The following SREBF2 variants were observed in gnomAD, a reference collection of about 807,000 sequenced individuals.
SREBF2 encodes the protein sterol regulatory element binding transcription factor 2, also known as sterol regulatory element-binding protein 2.
In SREBF2, 55 loss-of-function variants were observed where a neutral mutation model predicts 113.1. That is an observed-to-expected ratio of 0.49 (90% confidence interval 0.39 to 0.61). The LOEUF is 0.61. Among genes scored for constraint, SREBF2 ranks in the 20% least tolerant of loss-of-function variants. The pLI, the probability that SREBF2 is intolerant of heterozygous loss-of-function variation, is 0.00. For missense variants in SREBF2, 1,349 were observed against 1,487.4 expected (o/e 0.91, Z 1.53); for synonymous variants, 593 against 605.7 (o/e 0.98, Z 0.31).
intron 1 of SREBF2, among the ~76,000 whole-genome samples, chr22:41,853,802 G>A (rs910813412): frequency 3.9e-5 from 6 of 151,972 alleles, no homozygotes; most frequent in African/African-American, 1.2e-4. Flanking sequence ...TTGGGAGGCC[G>A]CGGCAGGTGG....
chr22:41,891,379 C>T (rs1468175693), intron 11 of SREBF2: 1 of 152,170 alleles, frequency 6.6e-6, no homozygotes, highest in Non-Finnish European at 1.5e-5. Flanking sequence ...ATTGGTGCCC[C>T]TGGTCCCAGT....
At chr22:41,848,775 G>T (rs1418543060) in intron 1 of SREBF2, among the ~76,000 whole-genome samples, 1 of 152,082 alleles carries the variant, frequency 6.6e-6, no homozygotes, top group Non-Finnish European at 1.5e-5. Context: ...CCCCCTCTTT[G>T]GACTTGGACT....
chr22:41,904,752 G>A (rs2146564873), intron 17 of SREBF2, 111 bp from the exon 18 acceptor site: 1 of 853,966 alleles, frequency 1.2e-6, no homozygotes, highest in Non-Finnish European at 2.0e-6. Context: ...GCAGGGTGGT[G>A]TGGGAAGGGA....
intron 10 of SREBF2, among the ~76,000 whole-genome samples, chr22:41,884,191 A>G (rs1018085079): frequency 2.0e-5 from 3 of 152,040 alleles, no homozygotes; most frequent in African/African-American, 7.2e-5. Context: ...GCTGGAGTGC[A>G]GTGGTGCGAT....
intron 12 of SREBF2, 152 bp downstream of exon 12, chr22:41,893,437 A>G: frequency 1.1e-6 from 1 of 937,026 alleles, no homozygotes. Flanking sequence ...TTTGAACCAA[A>G]GCTCAGGGAG....
chr22:41,850,666 A>G (rs1347297780), intron 1 of SREBF2, among the ~76,000 whole-genome samples: 1 of 152,204 alleles, frequency 6.6e-6, no homozygotes, highest in African/African-American at 2.4e-5. Flanking sequence ...TTCAAATCTC[A>G]GTTCAGCCAC....
chr22:41,868,597 C>G lies in SREBF2; in HGVS notation c.539-14C>G. The G allele has an allele frequency of 6.2e-7, 1 of 1,614,176 alleles. No homozygotes were observed. The highest frequency in any genetic ancestry group is 1.3e-5 in the African/African-American group (1 of 75,036). On this transcript the variant is annotated splice_polypyrimidine_tract_variant and intron_variant, in intron 2 of 18. Coordinates refer to ENST00000361204, the MANE Select transcript of SREBF2 (RefSeq NM_004599.4). The stretch of plus-strand genomic sequence containing the variant: ...TTCCTCATCTCTGTGCCTTCTTTCT[C>G]CTCTTCTCCCAAGTCCTTCAGCCTC...
chr22:41,860,595 C>T (rs977489406), intron 1 of SREBF2, among the ~76,000 whole-genome samples: 2 of 152,184 alleles, frequency 1.3e-5, no homozygotes, highest in African/African-American at 4.8e-5. Flanking sequence ...TGCCGAATAA[C>T]TTGCTGGGTG....
At chr22:41,861,845 C>T (rs954559326) in intron 1 of SREBF2, among the ~76,000 whole-genome samples, 2 of 151,972 alleles carry the variant, frequency 1.3e-5, no homozygotes, top group African/African-American at 4.8e-5. Context: ...ATCACTTGAA[C>T]CCAGGAGGTG....
intron 9 of SREBF2, among the ~76,000 whole-genome samples, chr22:41,879,786 G>A (rs1015565875): frequency 6.6e-6 from 1 of 152,188 alleles, no homozygotes; most frequent in African/African-American, 2.4e-5. Flanking sequence ...TTCCAGCAGT[G>A]AGAGAGAGAA....
At chr22:41,904,699 C>A (rs1354424572) in intron 17 of SREBF2, 164 bp from the exon 18 acceptor site, 1 of 721,526 alleles carries the variant, frequency 1.4e-6, no homozygotes, top group Non-Finnish European at 2.6e-6. Flanking sequence ...GGCTCAGGGT[C>A]AGAGTACGGG....
rs868423222 is a variant in SREBF2, at chr22:41,870,204, T to G, written c.721-685T>G. On this transcript the variant is annotated intron_variant, in intron 3 of 18. Coordinates refer to ENST00000361204, the MANE Select transcript of SREBF2 (RefSeq NM_004599.4). ...TTAAAAAAATCAGGTTTATTATTTT[T>G]GCTTCTCAGCCATGTGTCTGGCTTT... Among the ~76,000 whole-genome samples, 8 of 152,360 alleles carry G rather than the reference T, an allele frequency of 5.3e-5. No homozygotes were observed. In the South Asian group the frequency reaches 1.7e-3, roughly 32 times the overall value.
rs2148411314 is a variant in SREBF2, at chr22:41,893,002, T to C, written c.2209-115T>C. 17 of 1,299,644 alleles carry C rather than the reference T, an allele frequency of 1.3e-5. No homozygotes were observed. In the South Asian group the frequency reaches 1.7e-4, roughly 13 times the overall value. 80.5% of individuals were successfully genotyped at this position (1,299,644 alleles called of 1,614,324 possible). ...TGTGGGAGTCCTATCCCTGTGCTGA[T>C]CTTTCCCAGTCTCCCCCAAAGCCCA... On this transcript the variant is annotated intron_variant, in intron 11 of 18. Transcript: ENST00000361204.
chr22:41,868,540 G>A (rs1276328683), intron 2 of SREBF2, 71 bp from the exon 3 acceptor site: 2 of 1,546,328 alleles, frequency 1.3e-6, no homozygotes, highest in Non-Finnish European at 1.8e-6. Flanking sequence ...TCCATCCTCA[G>A]GTTTCTGCTG....
At chr22:41,875,844 A>G (rs2077192885) in intron 7 of SREBF2, 120 bp downstream of exon 7, 1 of 1,199,860 alleles carries the variant, frequency 8.3e-7, no homozygotes, top group Admixed American at 1.9e-5. Context: ...CTGGAGAAAA[A>G]CAGGAATTCT....
At chr22:41,849,639 TAAAA>T (rs1270952731) in intron 1 of SREBF2, among the ~76,000 whole-genome samples, 1 of 152,320 alleles carries the variant, frequency 6.6e-6, no homozygotes, top group East Asian at 1.9e-4. Context: ...AATGTATACT[TAAAA>T]AGAGAGAGAT....
chr22:41,868,908 G>T lies in SREBF2; in HGVS notation c.720+116G>T, dbSNP rs2077113157. 6.6e-6 allele frequency: 9 copies of T among 1,373,474 alleles called. No homozygotes were observed. In the South Asian group the frequency reaches 1.0e-4, roughly 16 times the overall value. 85.1% of individuals were successfully genotyped at this position (1,373,474 alleles called of 1,614,324 possible). The stretch of plus-strand genomic sequence containing the variant: ...AACCAGAGTGTACACAAAGCAGCTT[G>T]TAGGGCGCCAGGATGCACCTGTGAG... On this transcript the variant is annotated intron_variant, in intron 3 of 18. Transcript: ENST00000361204.
At chr22:41,878,879 T>C (rs2077221425) in intron 9 of SREBF2, 1 of 525,018 alleles carries the variant, frequency 1.9e-6, no homozygotes, top group Admixed American at 3.2e-5. Context: ...ATAGATGTGA[T>C]TTTGAGAGGC....
intron 4 of SREBF2, among the ~76,000 whole-genome samples, chr22:41,873,529 G>A (rs879778904): frequency 5.3e-5 from 8 of 152,070 alleles, no homozygotes; most frequent in African/African-American, 1.2e-4. Context: ...TCTGGCATAC[G>A]TAGATCAAAA....
Sources: gnomAD v4.1 joint callset for allele counts (sites outside exome capture counted in the v4.1 genomes callset) on GRCh38, gnomAD v4.1.1 for gene constraint, MANE v1.5 for transcripts, NCBI Gene and HGNC (gene_info 2026-07-23, HGNC 2026-07-21) for gene names.